The following ADCY1 variants were observed in gnomAD, a reference collection of about 807,000 sequenced individuals.
ADCY1 encodes adenylate cyclase 1, also known as adenylate cyclase type 1.
ADCY1 carries 28 observed loss-of-function variants against 105.4 expected under a neutral mutation model. The ratio of observed to expected loss-of-function variants is 0.27; its 90% CI spans 0.20 to 0.36. The LOEUF is 0.36. Among genes scored for constraint, ADCY1 ranks in the 10% least tolerant of loss-of-function variants. The pLI, the probability that ADCY1 is intolerant of heterozygous loss-of-function variation, is 1.00. For missense variants in ADCY1, 977 were observed against 1,434.2 expected (o/e 0.68, Z 5.15); for synonymous variants, 655 against 623.8 (o/e 1.05, Z -0.75).
chr7:45,660,267 C>T, intron 7 of ADCY1, 84 bp downstream of exon 7: 3 of 1,541,618 alleles, frequency 1.9e-6, no homozygotes, highest in Non-Finnish European at 1.8e-6. Flanking sequence ...CCTCCTGCTT[C>T]CTCTCCAAGC....
At chr7:45,624,439 A>G (rs1342564512) in intron 4 of ADCY1, among the ~76,000 whole-genome samples, 5 of 152,066 alleles carry the variant, frequency 3.3e-5, no homozygotes, top group African/African-American at 7.2e-5. Context: ...TCCAGTTGTA[A>G]AGTCACTGTT....
intron 4 of ADCY1, among the ~76,000 whole-genome samples, chr7:45,632,739 T>A (rs949848768): frequency 7.8e-5 from 11 of 141,172 alleles, no homozygotes; most frequent in Middle Eastern, 3.5e-3. Context: ...AATTTTTAAA[T>A]TTTTTTTTTT....
chr7:45,673,433 A>G (rs550844689), intron 8 of ADCY1, among the ~76,000 whole-genome samples: 26 of 152,320 alleles, frequency 1.7e-4, no homozygotes, highest in African/African-American at 6.3e-4. Flanking sequence ...AGGAATTTTT[A>G]AATTATAAAG....
rs56299579 is a variant in ADCY1 at position 45,672,487 on chromosome 7, C to T, written c.1606-5382C>T. On this transcript the variant is annotated intron_variant, in intron 8 of 19. Transcript: ENST00000297323. ...TATTTAGATTTTCTTCGATTCCTTA[C>T]ATCAGCATTGTGAGGTGTTCAGCAT... 7.8e-3 allele frequency among the ~76,000 whole-genome samples: 1,191 copies of T among 152,118 alleles called. 19 individuals carry two copies. Among genetic ancestry groups the T allele is most frequent in the African/African-American group, 0.028 (1,143 of 41,488 alleles).
intron 3 of ADCY1, among the ~76,000 whole-genome samples, chr7:45,619,824 T>C (rs1037143383): frequency 6.6e-6 from 1 of 152,220 alleles, no homozygotes; most frequent in Non-Finnish European, 1.5e-5. Flanking sequence ...ATGGTCACAA[T>C]ATTTAACCAT....
At chr7:45,688,537 A>G (rs1196711678) in intron 14 of ADCY1, among the ~76,000 whole-genome samples, 1 of 152,210 alleles carries the variant, frequency 6.6e-6, no homozygotes, top group African/African-American at 2.4e-5. Flanking sequence ...GAAAAGACAG[A>G]AGCAGCTCAG....
intron 4 of ADCY1, among the ~76,000 whole-genome samples, chr7:45,626,458 C>T (rs76085404): frequency 0.088 from 13,457 of 152,172 alleles, 676 homozygotes; most frequent in South Asian, 0.16. Context: ...TTCTTGGGGA[C>T]GCTGTTTCTG....
chr7:45,631,199 C>G (rs765301545), intron 4 of ADCY1, among the ~76,000 whole-genome samples: 13 of 152,182 alleles, frequency 8.5e-5, no homozygotes, highest in Non-Finnish European at 1.6e-4. Context: ...CATTGAGACC[C>G]TCTAACATAA....
intron 11 of ADCY1, chr7:45,684,473 A>G (rs1784627359): frequency 6.6e-6 from 1 of 152,346 alleles, no homozygotes; most frequent in African/African-American, 2.4e-5. Context: ...TAAGTGTAAA[A>G]AGGACTTCTT....
At chr7:45,705,663 G>A (rs1415829924) in intron 17 of ADCY1, among the ~76,000 whole-genome samples, 1 of 152,144 alleles carries the variant, frequency 6.6e-6, no homozygotes, top group Middle Eastern at 3.2e-3. Flanking sequence ...GAGAAGCATG[G>A]CGAGAATATC....
At chr7:45,606,495 T>C (rs996839698) in intron 2 of ADCY1, among the ~76,000 whole-genome samples, 1 of 152,194 alleles carries the variant, frequency 6.6e-6, no homozygotes, top group African/African-American at 2.4e-5. Context: ...CTTGCCCACT[T>C]CTCAAGCACT....
chr7:45,663,276 C>T (rs754103151), intron 8 of ADCY1, among the ~76,000 whole-genome samples: 4 of 152,210 alleles, frequency 2.6e-5, no homozygotes, highest in Non-Finnish European at 5.9e-5. Context: ...TGGAGTTAGG[C>T]GTCAGGTGGG....
chr7:45,691,332 A>G (rs1368557581), intron 14 of ADCY1, among the ~76,000 whole-genome samples: 1 of 152,210 alleles, frequency 6.6e-6, no homozygotes, highest in Admixed American at 6.5e-5. Flanking sequence ...ATGTTTGTCC[A>G]CAGATAGGTA....
rs139342628 is a variant in ADCY1 at position 45,620,819 on chromosome 7, C to T, written c.909-1813C>T. Among the ~76,000 whole-genome samples the T allele has an allele frequency of 1.5e-3, 230 of 152,204 alleles. 1 individual carries two copies. The East Asian group carries it at 0.025, about 17-fold the overall frequency. On this transcript the variant is annotated intron_variant, in intron 3 of 19. Transcript: ENST00000297323. ...TGAAATAAAAATATAATTCTGTATC[C>T]GGCAAAAATCACAAGAGCAGCACCT...
At chr7:45,595,922 C>T (rs1216818564) in intron 2 of ADCY1, among the ~76,000 whole-genome samples, 1 of 152,260 alleles carries the variant, frequency 6.6e-6, no homozygotes, top group Non-Finnish European at 1.5e-5. Flanking sequence ...TGGTAATCAG[C>T]ACCCAGGTTC....
Position 45,575,415 on chromosome 7 carries a change from G to A in ADCY1, c.639+233G>A, listed in dbSNP as rs1792306528. Among the ~76,000 whole-genome samples the A allele has an allele frequency of 6.6e-6, 1 of 152,270 alleles. No individual in the cohort carries two copies. ...CCACGAAGCGCCCCTGGCGTGAAGT[G>A]TGGAGAGGGGAGACAGGTGTGGAGA... On this transcript the variant is annotated intron_variant, in intron 1 of 19. Transcript: ENST00000297323. The surrounding 1 kb of genome is among the most constrained non-coding windows in gnomAD (Gnocchi z 4.7).
chr7:45,672,837 C>G (rs1391180580), intron 8 of ADCY1, among the ~76,000 whole-genome samples: 1 of 152,046 alleles, frequency 6.6e-6, no homozygotes, highest in Non-Finnish European at 1.5e-5. Flanking sequence ...GGGTTTTTAG[C>G]ACTATGCTGC....
In ADCY1 at chr7:45,717,219, A is replaced by C. The variant is rs184386607; in HGVS notation, c.*3224A>C. 127 of 152,272 alleles carry C rather than the reference A, an allele frequency of 8.3e-4. 1 individual carries two copies. The Middle Eastern group carries it at 0.01, about 12-fold the overall frequency. The allele number at this position is 152,272 out of a possible 1,614,324, so 9.4% of individuals were successfully genotyped here. On this transcript the variant is annotated 3_prime_UTR_variant, in exon 20 of 20. Transcript: ENST00000297323. ...GTGAGAGGAAGCCGTCGCGGGGACC[A>C]TGCTGCCTTCTCTGGGCTCACGACT...
At chr7:45,595,895 T>C (rs1793058322) in intron 2 of ADCY1, among the ~76,000 whole-genome samples, 1 of 152,264 alleles carries the variant, frequency 6.6e-6, no homozygotes, top group South Asian at 2.1e-4. Flanking sequence ...TCACAATAAC[T>C]GTCTGCCTAG....
Sources: allele counts gnomAD v4.1 joint callset (sites outside exome capture counted in the v4.1 genomes callset), GRCh38; gene constraint gnomAD v4.1.1; non-coding constraint Gnocchi (gnomAD v3.1); transcripts MANE v1.5; gene names NCBI Gene and HGNC (gene_info 2026-07-23, HGNC 2026-07-21).